The following LYRM4 variants were observed in gnomAD, a reference collection of about 807,000 sequenced individuals.
The protein encoded by LYRM4 is LYR motif-containing protein 4.
Under a neutral mutation model 11.7 loss-of-function variants are expected in LYRM4, and 9 were observed. That is an observed-to-expected ratio of 0.77 (90% CI 0.46 to 1.34). LYRM4 has a LOEUF of 1.34. LYRM4 is among the 40% of genes most tolerant of loss of function. The probability of loss-of-function intolerance (pLI) is 0.00; values close to 1 mark genes in which losing one functional copy is unlikely to be tolerated. For synonymous variants in LYRM4, 42 were observed against 40.4 expected (o/e 1.04, Z -0.15); for missense variants, 133 against 112.5 (o/e 1.18, Z -0.82).
At chr6:5,215,793 C>A (rs1301750572) in intron 2 of LYRM4, among the ~76,000 whole-genome samples, 1 of 152,162 alleles carries the variant, frequency 6.6e-6, no homozygotes, top group Non-Finnish European at 1.5e-5. Context: ...GTTTCCCCCT[C>A]CACACTTTAT....
At chr6:5,117,375 T>C (rs1763166882) in intron 2 of LYRM4, among the ~76,000 whole-genome samples, 1 of 152,162 alleles carries the variant, frequency 6.6e-6, no homozygotes, top group Non-Finnish European at 1.5e-5. Context: ...GCAAACATGG[T>C]GAAACGCTGT....
chr6:5,097,558 C>T, the LYRM4 span, among the ~76,000 whole-genome samples: 1 of 152,190 alleles, frequency 6.6e-6, no homozygotes, highest in Admixed American at 6.5e-5. Flanking sequence ...ACTATGTTGT[C>T]CAGGCTGGTC....
At chr6:5,246,295 A>G (rs917228191) in intron 1 of LYRM4, among the ~76,000 whole-genome samples, 1 of 152,238 alleles carries the variant, frequency 6.6e-6, no homozygotes, top group African/African-American at 2.4e-5. Context: ...TGCCATGTGA[A>G]GCTAAGAATG....
chr6:5,253,960 A>T (rs769853899), intron 1 of LYRM4, among the ~76,000 whole-genome samples: 1 of 152,202 alleles, frequency 6.6e-6, no homozygotes, highest in Non-Finnish European at 1.5e-5. Context: ...GGTGATGACC[A>T]GCTCAGTGGC....
chr6:5,165,700 A>G (rs116194134), intron 2 of LYRM4, among the ~76,000 whole-genome samples: 2,118 of 152,020 alleles, frequency 0.014, 42 homozygotes, highest in African/African-American at 0.046. Context: ...ATACCACCAC[A>G]CCCAGCAGAT....
chr6:5,248,679 G>A (rs542840129), intron 1 of LYRM4, among the ~76,000 whole-genome samples: 1 of 152,332 alleles, frequency 6.6e-6, no homozygotes, highest in South Asian at 2.1e-4. Context: ...GCTTTCTTCA[G>A]CTCCGATCCC....
chr6:5,199,247 G>A (rs1246157478), intron 2 of LYRM4, among the ~76,000 whole-genome samples: 2 of 152,208 alleles, frequency 1.3e-5, no homozygotes, highest in African/African-American at 4.8e-5. Context: ...ACTCTCTTAT[G>A]CTACAACATG....
chr6:5,091,636 G>A, the LYRM4 span, among the ~76,000 whole-genome samples: 1 of 152,226 alleles, frequency 6.6e-6, no homozygotes, highest in Non-Finnish European at 1.5e-5. Flanking sequence ...GCTAAATGAA[G>A]ATGTTTGAGA....
rs547425167 is a variant in LYRM4 at position 5,242,665 on chromosome 6, G to A, written c.86+17983C>T. On this transcript the variant is annotated intron_variant, in intron 1 of 2. Transcript: ENST00000330636. ...AACATGGAGGCAGAGGCTGCAATGAGCCAAGATCATTCCATTGCACTCCAG... is the reference window on the plus strand; with the variant it reads ...AACATGGAGGCAGAGGCTGCAATGAACCAAGATCATTCCATTGCACTCCAG... Among the ~76,000 whole-genome samples, 172 of 151,666 alleles carry A rather than the reference G, an allele frequency of 1.1e-3. 2 individuals are homozygous for A. Among genetic ancestry groups the A allele is most frequent in the African/African-American group, 2.7e-3 (110 of 41,402 alleles).
chr6:5,239,716 G>A (rs1448573255), intron 1 of LYRM4, among the ~76,000 whole-genome samples: 1 of 152,170 alleles, frequency 6.6e-6, no homozygotes, highest in Non-Finnish European at 1.5e-5. Context: ...CTGACAGCCG[G>A]GAGAGTGCAC....
chr6:5,147,170 T>G (rs918740703), intron 2 of LYRM4, among the ~76,000 whole-genome samples: 3 of 152,212 alleles, frequency 2.0e-5, no homozygotes, highest in Admixed American at 6.5e-5. Context: ...TGCTGTGATG[T>G]TTGTGTTTGA....
intron 1 of LYRM4, among the ~76,000 whole-genome samples, chr6:5,248,490 C>G (rs114033320): frequency 6.6e-6 from 1 of 152,376 alleles, no homozygotes; most frequent in Non-Finnish European, 1.5e-5. Flanking sequence ...ACAAAGCTCT[C>G]TGTGATTAGT....
chr6:5,172,274 C>T (rs759006461), intron 2 of LYRM4, among the ~76,000 whole-genome samples: 4 of 152,166 alleles, frequency 2.6e-5, no homozygotes, highest in African/African-American at 4.8e-5. Flanking sequence ...CGCTGTAACA[C>T]GAGCTGCACA....
chr6:5,228,171 C>T (rs1763006424), intron 1 of LYRM4, among the ~76,000 whole-genome samples: 1 of 152,138 alleles, frequency 6.6e-6, no homozygotes, highest in African/African-American at 2.4e-5. Context: ...CCAGCATATA[C>T]CTATTGATCA....
intron 2 of LYRM4, among the ~76,000 whole-genome samples, chr6:5,164,180 T>C (rs1280872855): frequency 6.6e-6 from 1 of 152,204 alleles, no homozygotes; most frequent in African/African-American, 2.4e-5. Context: ...TGCTTGGTAG[T>C]ATTTTCTACA....
the LYRM4 span, among the ~76,000 whole-genome samples, chr6:5,052,287 T>G: frequency 1.3e-5 from 2 of 152,152 alleles, no homozygotes; most frequent in African/African-American, 4.8e-5. Context: ...TTCAAGAGAG[T>G]AATGTATTTA....
intron 2 of LYRM4, among the ~76,000 whole-genome samples, chr6:5,209,151 T>C (rs1230276063): frequency 6.6e-6 from 1 of 152,194 alleles, no homozygotes; most frequent in African/African-American, 2.4e-5. Context: ...TGGAGTGCAG[T>C]GACGCGATTT....
intron 2 of LYRM4, among the ~76,000 whole-genome samples, chr6:5,111,680 C>T (rs150416783): frequency 2.1e-4 from 32 of 152,324 alleles, no homozygotes; most frequent in African/African-American, 7.7e-4. Context: ...TGAATGACCC[C>T]GTGTTGATCC....
the LYRM4 span, among the ~76,000 whole-genome samples, chr6:5,094,761 C>T: frequency 1.3e-5 from 2 of 152,162 alleles, no homozygotes; most frequent in South Asian, 2.1e-4. Context: ...GTATGTATTA[C>T]ACCTACAAAT....
Sources: gnomAD v4.1 joint callset for allele counts (sites outside exome capture counted in the v4.1 genomes callset) on GRCh38, gnomAD v4.1.1 for gene constraint, MANE v1.5 for transcripts, NCBI Gene and HGNC (gene_info 2026-07-23, HGNC 2026-07-21) for gene names.